Variants in DLG1 observed in about 807,000 individuals in gnomAD.
DLG1 encodes disks large homolog 1.
In DLG1, 42 loss-of-function variants were observed where a neutral mutation model predicts 123.4. That is an observed-to-expected ratio of 0.34 (90% CI 0.27 to 0.44). The LOEUF (loss-of-function observed/expected upper bound fraction) is 0.44. Ranked by LOEUF, DLG1 falls within the 20% of genes least tolerant of loss-of-function variation. The probability of loss-of-function intolerance (pLI) is 1.00; values close to 1 mark genes in which losing one functional copy is unlikely to be tolerated. For missense variants in DLG1, 942 were observed against 1,082.6 expected (o/e 0.87, Z 1.82); for synonymous variants, 317 against 356.2 (o/e 0.89, Z 1.24).
intron 13 of DLG1, among the ~76,000 whole-genome samples, chr3:197,105,479 G>C (rs989593937): frequency 1.3e-5 from 2 of 151,984 alleles, no homozygotes. Context: ...CATTCTTTTG[G>C]TATAATAGGA....
intron 5 of DLG1, among the ~76,000 whole-genome samples, chr3:197,167,405 G>T (rs1283928701): frequency 6.6e-6 from 1 of 152,168 alleles, no homozygotes; most frequent in Non-Finnish European, 1.5e-5. Flanking sequence ...AAGCATTAAT[G>T]ACAGTGGAGA....
At chr3:197,193,491 C>T (rs909791100) in intron 5 of DLG1, among the ~76,000 whole-genome samples, 1 of 152,142 alleles carries the variant, frequency 6.6e-6, no homozygotes, top group Non-Finnish European at 1.5e-5. Flanking sequence ...TTTTTACAAG[C>T]ACTTTTTACA....
intron 4 of DLG1, among the ~76,000 whole-genome samples, chr3:197,245,664 T>C (rs1751269112): frequency 6.6e-6 from 1 of 152,150 alleles, no homozygotes; most frequent in African/African-American, 2.4e-5. Context: ...TTTGGTCTGG[T>C]AACACCCATT....
At chr3:197,295,451 T>C (rs148728375) in intron 3 of DLG1, among the ~76,000 whole-genome samples, 143 of 151,854 alleles carry the variant, frequency 9.4e-4, no homozygotes, top group Non-Finnish European at 1.6e-3. Context: ...TGTCTTCTTA[T>C]GTTAAAATGT....
intron 13 of DLG1, among the ~76,000 whole-genome samples, chr3:197,111,059 G>C (rs1341005893): frequency 6.6e-6 from 1 of 152,118 alleles, no homozygotes; most frequent in Non-Finnish European, 1.5e-5. Context: ...TAAGTTTATT[G>C]ATCGGTCTAC....
chr3:197,059,863 G>T, intron 23 of DLG1, 26 bp downstream of exon 23: 1 of 1,468,644 alleles, frequency 6.8e-7, no homozygotes, highest in Non-Finnish European at 9.5e-7. Context: ...GTACACAGAG[G>T]CTATGCCTTA....
chr3:197,065,613 C>T, intron 21 of DLG1, 95 bp downstream of exon 21: 1 of 1,040,958 alleles, frequency 9.6e-7, no homozygotes, highest in Non-Finnish European at 1.4e-6. Context: ...AAAATAAGTA[C>T]AAACCATTAA....
At chr3:197,246,739 T>C (rs976443099) in intron 4 of DLG1, among the ~76,000 whole-genome samples, 1 of 152,160 alleles carries the variant, frequency 6.6e-6, no homozygotes, top group African/African-American at 2.4e-5. Context: ...AAGACAGGAA[T>C]AGCGATGGGT....
chr3:197,271,151 G>A (rs984522819), intron 4 of DLG1, among the ~76,000 whole-genome samples: 1 of 152,164 alleles, frequency 6.6e-6, no homozygotes, highest in East Asian at 1.9e-4. Flanking sequence ...GCAGCCCCAG[G>A]AACACTTCAT....
chr3:197,237,814 C>T (rs1746798488), intron 4 of DLG1, among the ~76,000 whole-genome samples: 2 of 152,192 alleles, frequency 1.3e-5, no homozygotes, highest in Non-Finnish European at 2.9e-5. Flanking sequence ...ACATGAGGAG[C>T]AGTAATGAGG....
At chr3:197,240,312 C>T (rs527904957) in intron 4 of DLG1, among the ~76,000 whole-genome samples, 2 of 152,280 alleles carry the variant, frequency 1.3e-5, no homozygotes, top group African/African-American at 2.4e-5. Flanking sequence ...CTCCCTCATT[C>T]GGGAAGAACA....
At chr3:197,065,105 C>T (rs1030773616) in intron 22 of DLG1, among the ~76,000 whole-genome samples, 171 bp downstream of exon 22, 10 of 150,412 alleles carry the variant, frequency 6.6e-5, no homozygotes, top group Admixed American at 6.0e-4. Flanking sequence ...ACCTTATTTA[C>T]CTGTTTTATC....
chr3:197,066,567 T>C (rs565823190), intron 20 of DLG1, 137 bp downstream of exon 20: 10 of 506,702 alleles, frequency 2.0e-5, no homozygotes, highest in East Asian at 1.2e-4. Context: ...ATAAAACACA[T>C]GTAGTAAATT....
chr3:197,232,361 TAAAA>T (rs34360912), intron 4 of DLG1, among the ~76,000 whole-genome samples: 4 of 121,250 alleles, frequency 3.3e-5, no homozygotes, highest in Non-Finnish European at 3.4e-5. Flanking sequence ...CCTTGTCTCT[TAAAA>T]AAAAAAAAAA....
intron 5 of DLG1, 29 bp downstream of exon 5, chr3:197,194,396 A>G (rs771165684): frequency 1.7e-5 from 25 of 1,433,906 alleles, no homozygotes; most frequent in Non-Finnish European, 2.2e-5. Context: ...TATGTAATTC[A>G]TAACAATAAT....
At chr3:197,181,269 A>G (rs1711645325) in intron 5 of DLG1, among the ~76,000 whole-genome samples, 1 of 152,208 alleles carries the variant, frequency 6.6e-6, no homozygotes, top group South Asian at 2.1e-4. Context: ...CAATCTGCAA[A>G]AAGTATCATG....
intron 13 of DLG1, among the ~76,000 whole-genome samples, chr3:197,110,819 G>C (rs558070006): frequency 5.3e-5 from 8 of 152,118 alleles, no homozygotes; most frequent in South Asian, 2.1e-4. Context: ...TTTTCCAAGG[G>C]CTATATGTGC....
chr3:197,128,503 T>C (rs897465536), intron 11 of DLG1, among the ~76,000 whole-genome samples: 1 of 152,186 alleles, frequency 6.6e-6, no homozygotes, highest in African/African-American at 2.4e-5. Context: ...ATCAACATCT[T>C]TGAAACTCCT....
At chr3:197,258,304 G>C (rs918952535) in intron 4 of DLG1, among the ~76,000 whole-genome samples, 9 of 152,086 alleles carry the variant, frequency 5.9e-5, no homozygotes, top group African/African-American at 1.9e-4. Flanking sequence ...TAATACTACT[G>C]TAAATGGAGA....
Sources: allele counts gnomAD v4.1 joint callset (sites outside exome capture counted in the v4.1 genomes callset), GRCh38; gene constraint gnomAD v4.1.1; transcripts MANE v1.5; gene names NCBI Gene and HGNC (gene_info 2026-07-23, HGNC 2026-07-21).